Variants in FOXN3 observed in about 807,000 individuals in gnomAD.
FOXN3 encodes forkhead box N3.
In FOXN3, 7 loss-of-function variants were observed where a neutral mutation model predicts 38.4. The ratio of observed to expected loss-of-function variants is 0.18; its 90% CI spans 0.10 to 0.34. The LOEUF (loss-of-function observed/expected upper bound fraction) is 0.34, where lower values mean the gene tolerates loss of function less well. Among genes scored for constraint, FOXN3 ranks in the 10% least tolerant of loss-of-function variants. FOXN3 has a pLI of 1.00. For missense variants in FOXN3, 456 were observed against 613.4 expected (o/e 0.74, Z 2.71); for synonymous variants, 230 against 242.2 (o/e 0.95, Z 0.47).
At chr14:89,175,357 G>A (rs1029462839) in intron 5 of FOXN3, among the ~76,000 whole-genome samples, 1 of 152,162 alleles carries the variant, frequency 6.6e-6, no homozygotes, top group Non-Finnish European at 1.5e-5. Context: ...CAAAGCCAAT[G>A]GCTTTGCCAA....
intron 2 of FOXN3, among the ~76,000 whole-genome samples, chr14:89,396,660 C>T (rs537446088): frequency 2.6e-5 from 4 of 152,088 alleles, no homozygotes; most frequent in African/African-American, 9.6e-5. Flanking sequence ...GGTGAAACCC[C>T]GTCTCTACTA....
At chr14:89,297,559 C>CAAAAAAAAAAAAAAA (rs919496715) in intron 3 of FOXN3, among the ~76,000 whole-genome samples, 1 of 103,576 alleles carries the variant, frequency 9.7e-6, no homozygotes. Flanking sequence ...GACTCCCTTT[C>CAAAAAAAAAAAAAAA]AAAAAAAAAA....
At chr14:89,585,637 G>T (rs1044022301) in intron 1 of FOXN3, among the ~76,000 whole-genome samples, 2 of 151,910 alleles carry the variant, frequency 1.3e-5, no homozygotes, top group Non-Finnish European at 2.9e-5. Flanking sequence ...AGCAGAAGGA[G>T]ATGGATAATA....
intron 3 of FOXN3, among the ~76,000 whole-genome samples, chr14:89,308,357 A>G (rs1361779566): frequency 1.3e-5 from 2 of 152,260 alleles, no homozygotes; most frequent in Non-Finnish European, 2.9e-5. Flanking sequence ...TAGCTCTCCT[A>G]AAATGAGCTC....
chr14:89,319,443 G>T (rs1478310964), intron 3 of FOXN3, among the ~76,000 whole-genome samples: 1 of 152,134 alleles, frequency 6.6e-6, no homozygotes, highest in Non-Finnish European at 1.5e-5. Flanking sequence ...AGTGCTGTTT[G>T]CAAGGGAAGA....
intron 3 of FOXN3, chr14:89,290,526 A>C: frequency 1.9e-6 from 1 of 530,886 alleles, no homozygotes; most frequent in South Asian, 1.5e-5. Flanking sequence ...TTTCATCGGG[A>C]GAGCTGATTT....
intron 1 of FOXN3, among the ~76,000 whole-genome samples, chr14:89,552,112 T>C (rs2139864489): frequency 6.6e-6 from 1 of 152,350 alleles, no homozygotes; most frequent in South Asian, 2.1e-4. Flanking sequence ...GATTTATCTT[T>C]CTTCTTCAAA....
Position 89,162,204 on chromosome 14 carries a change from C to G in FOXN3, c.*210G>C, listed in dbSNP as rs1056858152. ...AGTGTCAATATGAGTTCTATGGCTT[C>G]AATCTCCTTTAAAAATAAAATTCTT... On this transcript the variant is annotated 3_prime_UTR_variant, in exon 6 of 6. Transcript: ENST00000557258. This position sits in a 1 kb window ranked among gnomAD's most constrained non-coding sequence, Gnocchi z 7.2. The G allele has an allele frequency of 9.0e-6, 4 of 446,768 alleles. No individual in the cohort carries two copies. Among genetic ancestry groups the G allele is most frequent in the African/African-American group, 4.1e-5 (2 of 49,078 alleles). The allele number at this position is 446,768 out of a possible 1,614,324, so 27.7% of individuals were successfully genotyped here. A position where few individuals can be genotyped will look rare whatever the true frequency, so the allele number is the denominator to read the frequency against.
intron 1 of FOXN3, among the ~76,000 whole-genome samples, chr14:89,413,720 AGAAGGGGGAAGG>A (rs1891607757): frequency 3.0e-5 from 4 of 133,190 alleles, no homozygotes; most frequent in Non-Finnish European, 4.8e-5. Context: ...GGAACGGAAG[AGAAGGGGGAAGG>A]GAAGGGAGAA....
At chr14:89,398,902 T>C (rs891165885) in intron 2 of FOXN3, among the ~76,000 whole-genome samples, 3 of 152,212 alleles carry the variant, frequency 2.0e-5, no homozygotes, top group African/African-American at 7.2e-5. Context: ...GAGAATCGCT[T>C]GAACCCAGGA....
intron 1 of FOXN3, among the ~76,000 whole-genome samples, chr14:89,592,891 A>T (rs1391089879): frequency 6.6e-6 from 1 of 152,184 alleles, no homozygotes; most frequent in Non-Finnish European, 1.5e-5. Context: ...AAATTAGAAC[A>T]GGAAAATCAA....
At chr14:89,335,005 T>C (rs1462382551) in intron 3 of FOXN3, among the ~76,000 whole-genome samples, 2 of 151,766 alleles carry the variant, frequency 1.3e-5, no homozygotes, top group Non-Finnish European at 2.9e-5. Flanking sequence ...GACCCCATGA[T>C]CTGCCCGCCT....
At chr14:89,555,698 C>A (rs918741255) in intron 1 of FOXN3, among the ~76,000 whole-genome samples, 5 of 152,096 alleles carry the variant, frequency 3.3e-5, no homozygotes, top group African/African-American at 1.2e-4. Context: ...ATCACAATAA[C>A]CAGGTAAGGA....
chr14:89,405,773 G>A (rs1891370860), intron 2 of FOXN3, among the ~76,000 whole-genome samples: 1 of 152,076 alleles, frequency 6.6e-6, no homozygotes, highest in South Asian at 2.1e-4. Flanking sequence ...GTTTATTTGG[G>A]TTATTTCAAT....
At chr14:89,394,355 C>A (rs1032567245) in intron 2 of FOXN3, among the ~76,000 whole-genome samples, 1 of 151,902 alleles carries the variant, frequency 6.6e-6, no homozygotes, top group Non-Finnish European at 1.5e-5. Context: ...AGGTGCCCAC[C>A]ACCACGCCCA....
chr14:89,552,105 T>C (rs1003954626), intron 1 of FOXN3, among the ~76,000 whole-genome samples: 1 of 152,190 alleles, frequency 6.6e-6, no homozygotes, highest in African/African-American at 2.4e-5. Context: ...GCCTTGAGAT[T>C]TATCTTTCTT....
intron 1 of FOXN3, among the ~76,000 whole-genome samples, chr14:89,514,924 C>CT (rs540052278): frequency 2.0e-3 from 290 of 145,094 alleles, no homozygotes; most frequent in African/African-American, 3.2e-3. Flanking sequence ...GCTCCATTTC[C>CT]TTTTTTTTTT....
At chr14:89,433,277 T>C (rs928298902) in intron 1 of FOXN3, among the ~76,000 whole-genome samples, 1 of 151,916 alleles carries the variant, frequency 6.6e-6, no homozygotes, top group Non-Finnish European at 1.5e-5. Flanking sequence ...ACGTCAGGAG[T>C]TCAAGACCAA....
chr14:89,415,604 C>CA lies in FOXN3; in HGVS notation c.-15+1266dup, dbSNP rs34026101. 6.7e-3 allele frequency among the ~76,000 whole-genome samples: 363 copies of CA among 54,224 alleles called. 27 individuals are homozygous for CA. The highest frequency in any genetic ancestry group is 0.017 in the African/African-American group (310 of 17,840). 35.6% of individuals were successfully genotyped at this position (54,224 alleles called of 152,430 possible). A position where few individuals can be genotyped will look rare whatever the true frequency, so the allele number is the denominator to read the frequency against. ...AAAAACAAAACAAAACAACAATAAC[C>CA]AAAAAAAAAAAAAAAAAAAAAAAAA... On this transcript the variant is annotated intron_variant, in intron 1 of 5. Coordinates refer to ENST00000557258, the MANE Select transcript of FOXN3 (RefSeq NM_005197.4).
Sources: gnomAD v4.1 joint callset for allele counts (sites outside exome capture counted in the v4.1 genomes callset) on GRCh38, gnomAD v4.1.1 for gene constraint, Gnocchi (gnomAD v3.1) non-coding constraint, MANE v1.5 for transcripts, NCBI Gene and HGNC (gene_info 2026-07-23, HGNC 2026-07-21) for gene names.